AASS: variants seen among roughly 807,000 people sequenced by gnomAD.
AASS encodes the protein aminoadipate-semialdehyde synthase, also known as alpha-aminoadipic semialdehyde synthase, mitochondrial.
In AASS, 86 loss-of-function variants were observed where a neutral mutation model predicts 105.4. That is an observed-to-expected ratio of 0.82 (90% CI 0.69 to 0.98). AASS has a LOEUF of 0.98. Among genes scored for constraint, AASS ranks in the 50% least tolerant of loss-of-function variants. AASS has a pLI of 0.00. For missense variants in AASS, 1,048 were observed against 1,143.2 expected (o/e 0.92, Z 1.20); for synonymous variants, 381 against 394.8 (o/e 0.96, Z 0.41).
chr7:122,096,577 A>G lies in AASS; in HGVS notation c.1655+1873T>C, dbSNP rs540827738. Among the ~76,000 whole-genome samples, 8 of 152,110 alleles carry G rather than the reference A, an allele frequency of 5.3e-5. No individual in the cohort carries two copies. The South Asian group carries it at 1.7e-3, about 32-fold the overall frequency. On this transcript the variant is annotated intron_variant, in intron 15 of 23. Coordinates refer to ENST00000417368, the MANE Select transcript of AASS (RefSeq NM_005763.4). ...TGGGAGGTGAAGGTTGCAGTGAGCC[A>G]AGATTGTGCCACTGCATTCCAGCCT...
rs757109013 is a variant in AASS, at chr7:122,076,521, T to C, written c.2749A>G (p.Ile917Val). The change falls in exon 24 of 24, where the codon ATA becomes GTA. Residue 917 changes from isoleucine (I) to valine (V), a missense_variant. Ile to Val is a conservative substitution (Grantham distance 29). Transcript: ENST00000417368. ...ILERIKAEGIIYTTQSTIKP is the reference protein window; with the variant it reads ...ILERIKAEGIVYTTQSTIKP ...TTAATTGTACTCTGTGTAGTATATA[T>C]AATGCCTTCTGCTTTAATTCGCTCC... The C allele has an allele frequency of 4.3e-6, 7 of 1,613,798 alleles. No homozygotes were observed. Among genetic ancestry groups the C allele is most frequent in the Middle Eastern group, 1.7e-4 (1 of 6,060 alleles).
Position 122,118,349 on chromosome 7 carries a change from T to A in AASS, c.645A>T (p.Gly215=). 1 of 1,614,108 alleles carries A rather than the reference T, an allele frequency of 6.2e-7. No homozygotes were observed. The highest frequency in any genetic ancestry group is 8.5e-7 in the Non-Finnish European group (1 of 1,180,026). Residue 215 remains glycine, a synonymous_variant, in exon 6 of 24, where the codon GGA becomes GGT. Transcript: ENST00000417368. ...ISLGLMPKSI[G]PLTFVFTGTG... Reference sequence around the variant, plus strand: ...TTCCTGTGAACACAAATGTTAAGGGTCCTATTGACTTAGGCATCAAACCCA... The same window carrying A: ...TTCCTGTGAACACAAATGTTAAGGGACCTATTGACTTAGGCATCAAACCCA...
intron 11 of AASS, among the ~76,000 whole-genome samples, chr7:122,111,986 A>T (rs1794962899): frequency 6.6e-6 from 1 of 152,196 alleles, no homozygotes; most frequent in South Asian, 2.1e-4. Context: ...AGGCTCAGAA[A>T]GGAAGTGAGT....
intron 15 of AASS, among the ~76,000 whole-genome samples, chr7:122,097,610 T>C (rs1351310356): frequency 1.3e-5 from 2 of 152,054 alleles, no homozygotes; most frequent in Non-Finnish European, 2.9e-5. Flanking sequence ...AATTTAGTTA[T>C]AAAGTGAATC....
At chr7:122,117,084 G>C (rs558522358) in intron 6 of AASS, 127 bp from the exon 7 acceptor site, 1 of 829,482 alleles carries the variant, frequency 1.2e-6, no homozygotes, top group East Asian at 2.6e-5. Context: ...AACCAGGACT[G>C]CAACACAGAA....
Position 122,101,417 on chromosome 7 carries a change from T to A in AASS, c.1360A>T (p.Thr454Ser), listed in dbSNP as rs1240976387. 2 of 1,610,150 alleles carry A rather than the reference T, an allele frequency of 1.2e-6. No homozygotes were observed. The highest frequency in any genetic ancestry group is 1.7e-6 in the Non-Finnish European group (2 of 1,176,946). ...ATATATTTATATTTATCAGGTAATG[T>A]ACCGTTGGATGTAATCACTGCCTAA... is the stretch of plus-strand genomic sequence containing the variant. The part of the protein sequence containing the change: ...VRDAVITSNG[T>S]LPDKYKYIQT... Residue 454 changes from threonine to serine, a missense_variant, in exon 13 of 24, where the codon ACA becomes TCA. Coordinates refer to ENST00000417368, the MANE Select transcript of AASS (RefSeq NM_005763.4).
chr7:122,089,589 C>T (rs1793798777), intron 18 of AASS, among the ~76,000 whole-genome samples: 1 of 152,126 alleles, frequency 6.6e-6, no homozygotes, highest in African/African-American at 2.4e-5. Flanking sequence ...CCTTATGTAG[C>T]TAATATTTGC....
At chr7:122,109,936 T>C (rs1467777809) in intron 11 of AASS, among the ~76,000 whole-genome samples, 1 of 151,930 alleles carries the variant, frequency 6.6e-6, no homozygotes, top group Non-Finnish European at 1.5e-5. Context: ...ATACTCAGAA[T>C]ATACAAGAAA....
rs1210636648 is a variant in AASS at position 122,092,966 on chromosome 7, A to G, written c.1767-15T>C. 1 of 1,613,514 alleles carries G rather than the reference A, an allele frequency of 6.2e-7. No homozygotes were observed. Among genetic ancestry groups the G allele is most frequent in the African/African-American group, 1.3e-5 (1 of 75,010 alleles). On this transcript the variant is annotated splice_polypyrimidine_tract_variant and intron_variant, in intron 16 of 23. Coordinates refer to ENST00000417368, the MANE Select transcript of AASS (RefSeq NM_005763.4). ...CATCTTCCACACTGCAGCAGGTGGA[A>G]AGAGGAAAAAGGAAAACTTGGATAT...
rs765698186 is a variant in AASS at position 122,079,617 on chromosome 7, G to T, written c.2376C>A (p.Thr792=). ...CCTACCATTCAGCAGCCTCCAACTG[G>T]GTATTGTCTCCTCCTAGTTTCTTAA... ...AVLKKLGGDN[T]QLEAAEWLGL... is the part of the protein sequence containing the mutation. The change falls in exon 21 of 24, where the codon ACC becomes ACA. Residue 792 remains threonine, a synonymous_variant. Transcript: ENST00000417368. 6.2e-7 allele frequency: 1 copy of T among 1,613,524 alleles called. No individual in the cohort carries two copies. Among genetic ancestry groups the T allele is most frequent in the South Asian group, 1.1e-5 (1 of 91,050 alleles).
intron 11 of AASS, among the ~76,000 whole-genome samples, chr7:122,103,398 T>C (rs766634946): frequency 1.4e-4 from 21 of 151,956 alleles, no homozygotes; most frequent in Non-Finnish European, 2.1e-4. Flanking sequence ...ATAAACTCTT[T>C]CCCAGACAAG....
intron 11 of AASS, among the ~76,000 whole-genome samples, chr7:122,109,720 G>C (rs1162748783): frequency 6.6e-6 from 1 of 151,144 alleles, no homozygotes; most frequent in East Asian, 1.9e-4. Flanking sequence ...AAAACACAGG[G>C]GAAATGCTTC....
At chr7:122,096,303 G>A (rs540134094) in intron 15 of AASS, among the ~76,000 whole-genome samples, 1 of 152,092 alleles carries the variant, frequency 6.6e-6, no homozygotes, top group East Asian at 1.9e-4. Flanking sequence ...CCCTATCACT[G>A]TGGTTATATC....
In AASS at chr7:122,115,164, C is replaced by T. The variant is rs746428434; in HGVS notation, c.953G>A (p.Arg318His). ...CTGAGCATCTTGGCGGGTTAGGAGG[C>T]GAGGAGTGTTTTGTTCCCAGTAGAT... ...NGIYWEQNTPRLLTRQDAQSL... is the reference protein window; with the variant it reads ...NGIYWEQNTPHLLTRQDAQSL... The change falls in exon 9 of 24, where the codon CGC becomes CAC. Residue 318 changes from arginine (R) to histidine (H), a missense_variant. Coordinates refer to ENST00000417368, the MANE Select transcript of AASS (RefSeq NM_005763.4). 8.1e-6 allele frequency: 13 copies of T among 1,613,898 alleles called. No homozygotes were observed. The highest frequency in any genetic ancestry group is 2.7e-5 in the African/African-American group (2 of 74,888).
In AASS at chr7:122,074,455, G is replaced by T. The variant is rs1301536218; in HGVS notation, c.*2034C>A. 6.6e-6 allele frequency among the ~76,000 whole-genome samples: 1 copy of T among 151,868 alleles called. No individual in the cohort carries two copies. Among genetic ancestry groups the T allele is most frequent in the East Asian group, 1.9e-4 (1 of 5,178 alleles). On this transcript the variant is annotated 3_prime_UTR_variant, in exon 24 of 24. Coordinates refer to ENST00000417368, the MANE Select transcript of AASS (RefSeq NM_005763.4). ...GTTGTATTTTTGCTTTCTTGATATTGTCCTTGGAAACACAAATGGTTTTAA... is the reference window on the plus strand; with the variant it reads ...GTTGTATTTTTGCTTTCTTGATATTTTCCTTGGAAACACAAATGGTTTTAA...
At chr7:122,086,388 T>C (rs1793626897) in intron 18 of AASS, among the ~76,000 whole-genome samples, 1 of 152,110 alleles carries the variant, frequency 6.6e-6, no homozygotes, top group Admixed American at 6.6e-5. Context: ...AAATTTGACT[T>C]TAAAACATTT....
At position 122,100,969 on chromosome 7, in the gene AASS, G is replaced by C. The variant is rs77731746; in HGVS notation, c.1406+402C>G. 4.0e-3 allele frequency among the ~76,000 whole-genome samples: 603 copies of C among 151,890 alleles called. 8 individuals are homozygous for C. The highest frequency in any genetic ancestry group is 0.014 in the African/African-American group (581 of 41,494). On this transcript the variant is annotated intron_variant, in intron 13 of 23. Transcript: ENST00000417368. ...CCTGAACATTATACTAAACAAAAGA[G>C]AGTCCAAATCCTCAACTAAAACCCA...
At chr7:122,098,347 T>G in intron 15 of AASS, 103 bp downstream of exon 15, 1 of 1,351,048 alleles carries the variant, frequency 7.4e-7, no homozygotes, top group Non-Finnish European at 1.0e-6. Flanking sequence ...AATTAAAAAC[T>G]TTACTCCAAA....
intron 8 of AASS, among the ~76,000 whole-genome samples, chr7:122,115,910 C>T (rs1562978375): frequency 1.3e-5 from 2 of 152,032 alleles, no homozygotes; most frequent in African/African-American, 2.4e-5. Flanking sequence ...ATGCCCTGCA[C>T]GATATAAGGG....
Sources: allele counts gnomAD v4.1 joint callset (sites outside exome capture counted in the v4.1 genomes callset), GRCh38; gene constraint gnomAD v4.1.1; transcripts MANE v1.5; gene names NCBI Gene and HGNC (gene_info 2026-07-23, HGNC 2026-07-21).